Variants in UBASH3B observed in about 807,000 individuals in gnomAD.
UBASH3B encodes ubiquitin associated and SH3 domain containing B, also known as ubiquitin-associated and SH3 domain-containing protein B.
UBASH3B carries 37 observed loss-of-function variants against 83.4 expected under a neutral mutation model. That is an observed-to-expected ratio of 0.44 (90% confidence interval 0.34 to 0.58). The LOEUF is 0.58. Ranked by LOEUF, UBASH3B falls within the 20% of genes least tolerant of loss-of-function variation. The pLI, the probability that UBASH3B is intolerant of heterozygous loss-of-function variation, is 0.01. For synonymous variants in UBASH3B, 304 were observed against 318.3 expected (o/e 0.96, Z 0.48); for missense variants, 657 against 827.2 (o/e 0.79, Z 2.52).
At chr11:122,771,615 A>G in intron 1 of UBASH3B, among the ~76,000 whole-genome samples, 1 of 151,796 alleles carries the variant, frequency 6.6e-6, no homozygotes, top group East Asian at 1.9e-4. Context: ...TCAGCCCACA[A>G]CCCCTTAGTG....
intron 1 of UBASH3B, among the ~76,000 whole-genome samples, chr11:122,754,343 T>C (rs956908706): frequency 1.3e-5 from 2 of 152,230 alleles, no homozygotes; most frequent in East Asian, 3.8e-4. Flanking sequence ...TGGTAACTCA[T>C]TTTCCTGAAG....
intron 9 of UBASH3B, among the ~76,000 whole-genome samples, chr11:122,797,746 T>C (rs1861180473): frequency 6.6e-6 from 1 of 151,840 alleles, no homozygotes; most frequent in Admixed American, 6.6e-5. Flanking sequence ...AGAGCTGAAG[T>C]AGAAGTTAGC....
chr11:122,726,024 A>T (rs551368504), intron 1 of UBASH3B, among the ~76,000 whole-genome samples: 91 of 152,204 alleles, frequency 6.0e-4, no homozygotes, highest in Non-Finnish European at 1.2e-3. Context: ...ATATATTTGC[A>T]CTTAATTTTA....
At chr11:122,730,006 G>GAAC in intron 1 of UBASH3B, among the ~76,000 whole-genome samples, 1 of 82,616 alleles carries the variant, frequency 1.2e-5, no homozygotes, top group African/African-American at 4.8e-5. Flanking sequence ...AAAAAAAAAG[G>GAAC]CCAGGTGCAG....
At chr11:122,808,754 G>T (rs976153544) in intron 13 of UBASH3B, among the ~76,000 whole-genome samples, 4 of 152,106 alleles carry the variant, frequency 2.6e-5, no homozygotes, top group South Asian at 2.1e-4. Context: ...TTTCTCTGCC[G>T]CCAGAGAACC....
At chr11:122,781,372 C>T (rs1860849554) in intron 4 of UBASH3B, among the ~76,000 whole-genome samples, 5 of 152,164 alleles carry the variant, frequency 3.3e-5, no homozygotes, top group Admixed American at 3.3e-4. Flanking sequence ...CCACTAAATC[C>T]CCACAAGGAC....
At chr11:122,748,100 G>A (rs912071947) in intron 1 of UBASH3B, among the ~76,000 whole-genome samples, 1 of 152,200 alleles carries the variant, frequency 6.6e-6, no homozygotes, top group Non-Finnish European at 1.5e-5. Flanking sequence ...AGGAGAGCAA[G>A]AATACCTCCC....
chr11:122,764,390 A>G lies in UBASH3B; in HGVS notation c.162-11829A>G, dbSNP rs569711819. ...TAATCACTTCCTTTCTGAAAACGAA[A>G]AAAACGAGAGCACCAAGTAAGAAAT... On this transcript the variant is annotated intron_variant, in intron 1 of 13. Coordinates refer to ENST00000284273, the MANE Select transcript of UBASH3B (RefSeq NM_032873.5). 1.5e-4 allele frequency among the ~76,000 whole-genome samples: 23 copies of G among 152,382 alleles called. No homozygotes were observed. The South Asian group carries it at 4.6e-3, about 30-fold the overall frequency.
At chr11:122,742,785 T>C (rs1861047729) in intron 1 of UBASH3B, among the ~76,000 whole-genome samples, 1 of 152,240 alleles carries the variant, frequency 6.6e-6, no homozygotes, top group African/African-American at 2.4e-5. Flanking sequence ...GTTCCGGAGA[T>C]GTCATTCACC....
chr11:122,670,614 G>A (rs1358292649), intron 1 of UBASH3B, among the ~76,000 whole-genome samples: 1 of 152,102 alleles, frequency 6.6e-6, no homozygotes, highest in East Asian at 1.9e-4. Context: ...TAAATGGTAG[G>A]CATGGTGGTT....
intron 1 of UBASH3B, among the ~76,000 whole-genome samples, chr11:122,708,072 A>T (rs1005739395): frequency 2.0e-5 from 3 of 152,134 alleles, no homozygotes; most frequent in African/African-American, 7.2e-5. Context: ...ACATCATAAT[A>T]CTAGGAAACA....
intron 1 of UBASH3B, among the ~76,000 whole-genome samples, chr11:122,728,552 G>A (rs1203037182): frequency 1.3e-5 from 2 of 152,152 alleles, no homozygotes; most frequent in Non-Finnish European, 2.9e-5. Context: ...CTTCTCCATT[G>A]AACATCTCCC....
chr11:122,782,958 A>G, intron 4 of UBASH3B, 95 bp from the exon 5 acceptor site: 1 of 1,436,356 alleles, frequency 7.0e-7, no homozygotes, highest in Non-Finnish European at 9.4e-7. Flanking sequence ...GGGAAGCAGA[A>G]TTTCTCAGGG....
chr11:122,700,689 G>A (rs148427945), intron 1 of UBASH3B, among the ~76,000 whole-genome samples: 2,087 of 152,132 alleles, frequency 0.014, 17 homozygotes, highest in Middle Eastern at 0.024. Context: ...TAGAGATGGG[G>A]TTTCACCATG....
At chr11:122,747,390 T>G (rs1861135315) in intron 1 of UBASH3B, among the ~76,000 whole-genome samples, 1 of 152,134 alleles carries the variant, frequency 6.6e-6, no homozygotes, top group African/African-American at 2.4e-5. Flanking sequence ...TGGGGAAATG[T>G]TATTCTCTCA....
intron 1 of UBASH3B, among the ~76,000 whole-genome samples, chr11:122,741,713 C>T (rs1194513986): frequency 3.3e-5 from 5 of 152,262 alleles, no homozygotes; most frequent in African/African-American, 4.8e-5. Context: ...AAGGCCCTCA[C>T]GACAGCCAGG....
At chr11:122,682,717 G>A (rs1362007419) in intron 1 of UBASH3B, among the ~76,000 whole-genome samples, 1 of 152,122 alleles carries the variant, frequency 6.6e-6, no homozygotes, top group East Asian at 1.9e-4. Context: ...CCCTCCAAGA[G>A]GGAGCTGCAC....
chr11:122,688,143 T>C (rs1292456274), intron 1 of UBASH3B, among the ~76,000 whole-genome samples: 1 of 152,036 alleles, frequency 6.6e-6, no homozygotes. Flanking sequence ...TGGTTTTAAT[T>C]GGGGTGATGA....
intron 5 of UBASH3B, among the ~76,000 whole-genome samples, chr11:122,783,583 C>T (rs1669509656): frequency 6.6e-6 from 1 of 151,922 alleles, no homozygotes; most frequent in Non-Finnish European, 1.5e-5. Context: ...TCATTTTGAC[C>T]TTAGGTGAGT....
Sources: allele counts gnomAD v4.1 joint callset (sites outside exome capture counted in the v4.1 genomes callset), GRCh38; gene constraint gnomAD v4.1.1; transcripts MANE v1.5; gene names NCBI Gene and HGNC (gene_info 2026-07-23, HGNC 2026-07-21).